The following CENPP variants were observed in gnomAD, a reference collection of about 807,000 sequenced individuals.
CENPP encodes centromere protein P.
In CENPP, 24 loss-of-function variants were observed where a neutral mutation model predicts 35.6. The ratio of observed to expected loss-of-function variants is 0.67; its 90% CI spans 0.49 to 0.95. The LOEUF is 0.95. Ranked by LOEUF, CENPP falls within the 40% of genes least tolerant of loss-of-function variation. The probability of loss-of-function intolerance (pLI) is 0.00; values close to 1 mark genes in which losing one functional copy is unlikely to be tolerated. For synonymous variants in CENPP, 120 were observed against 125.5 expected (o/e 0.96, Z 0.29); for missense variants, 332 against 345.3 (o/e 0.96, Z 0.31).
intron 5 of CENPP, among the ~76,000 whole-genome samples, chr9:92,439,159 C>G (rs1053258411): frequency 6.6e-6 from 1 of 151,940 alleles, no homozygotes; most frequent in East Asian, 1.9e-4. Flanking sequence ...TTTATTAGAT[C>G]GTGTGTTATT....
intron 5 of CENPP, among the ~76,000 whole-genome samples, chr9:92,399,855 T>C (rs1274904518): frequency 1.3e-5 from 2 of 152,166 alleles, no homozygotes; most frequent in Non-Finnish European, 2.9e-5. Flanking sequence ...ATTTCATTGA[T>C]CTTTTTGTCT....
chr9:92,355,895 A>G (rs1391077624), intron 4 of CENPP, among the ~76,000 whole-genome samples: 1 of 152,224 alleles, frequency 6.6e-6, no homozygotes, highest in African/African-American at 2.4e-5. Context: ...GGTAGAATAG[A>G]CACTTTAAAG....
chr9:92,511,885 G>A (rs1847365547), intron 5 of CENPP: 5 of 630,962 alleles, frequency 7.9e-6, no homozygotes, highest in Admixed American at 3.2e-5. Context: ...ACATCAGAGA[G>A]GAAACTTTCT....
At chr9:92,442,603 A>C (rs181748289) in intron 5 of CENPP, among the ~76,000 whole-genome samples, 2 of 152,008 alleles carry the variant, frequency 1.3e-5, no homozygotes, top group Non-Finnish European at 2.9e-5. Context: ...TAATCCTAGC[A>C]CTTTGGGAAG....
At chr9:92,395,887 A>C (rs1009532021) in intron 5 of CENPP, among the ~76,000 whole-genome samples, 1 of 149,414 alleles carries the variant, frequency 6.7e-6, no homozygotes, top group Non-Finnish European at 1.5e-5. Context: ...AATGAAGAAC[A>C]GTTGGTTCCT....
At position 92,365,523 on chromosome 9, in the gene CENPP, G is replaced by C. The variant is rs1841866343; in HGVS notation, c.468-14240G>C. 2.7e-5 allele frequency among the ~76,000 whole-genome samples: 4 copies of C among 146,698 alleles called. No individual in the cohort carries two copies. In the Admixed American group the frequency reaches 2.8e-4, roughly 10 times the overall value. ...CCTCCTGGGTTCAAGCGATTCTCCT[G>C]CCTCAGCCTCCTGAGCAGCTGGGAT... is the stretch of plus-strand genomic sequence containing the variant. On this transcript the variant is annotated intron_variant, in intron 4 of 7. Coordinates refer to ENST00000375587, the MANE Select transcript of CENPP (RefSeq NM_001012267.3).
intron 4 of CENPP, among the ~76,000 whole-genome samples, chr9:92,362,022 A>AT (rs1331503384): frequency 6.6e-6 from 1 of 151,982 alleles, no homozygotes; most frequent in Non-Finnish European, 1.5e-5. Context: ...GCAAGACTCC[A>AT]TCATAAAATA....
chr9:92,552,324 T>C lies in CENPP; in HGVS notation c.565-58990T>C, dbSNP rs575032887. 1.4e-4 allele frequency among the ~76,000 whole-genome samples: 21 copies of C among 152,198 alleles called. 1 individual carries two copies. The South Asian group carries it at 4.4e-3, about 32-fold the overall frequency. ...AAACATGCATGTCTAAGTATCTTTTTCGAATAATGATTTATTTTCCTCTGG... is the reference window on the plus strand; with the variant it reads ...AAACATGCATGTCTAAGTATCTTTTCCGAATAATGATTTATTTTCCTCTGG... On this transcript the variant is annotated intron_variant, in intron 5 of 7. Transcript: ENST00000375587.
At chr9:92,405,565 TTG>T (rs1181730831) in intron 5 of CENPP, among the ~76,000 whole-genome samples, 1 of 152,178 alleles carries the variant, frequency 6.6e-6, no homozygotes. Context: ...TTGATATAAA[TTG>T]TTGGTTTTAT....
chr9:92,616,337 C>A lies in CENPP; in HGVS notation c.*3188C>A. ...CAAAGCTTCCTCAGGCCAGTGCACCCCACCATACCAGGCGAGAGAGGGTTA... is the reference window on the plus strand; with the variant it reads ...CAAAGCTTCCTCAGGCCAGTGCACCACACCATACCAGGCGAGAGAGGGTTA... On this transcript the variant is annotated 3_prime_UTR_variant, in exon 8 of 8. Transcript: ENST00000375587. 2.8e-6 allele frequency: 1 copy of A among 360,574 alleles called. No individual in the cohort carries two copies. Among genetic ancestry groups the A allele is most frequent in the Non-Finnish European group, 5.1e-6 (1 of 195,252 alleles). 22.3% of individuals were successfully genotyped at this position (360,574 alleles called of 1,614,324 possible).
intron 5 of CENPP, among the ~76,000 whole-genome samples, chr9:92,574,036 C>T (rs1029961028): frequency 2.0e-5 from 3 of 152,158 alleles, no homozygotes; most frequent in Non-Finnish European, 2.9e-5. Flanking sequence ...TCCTTGACCC[C>T]TTGCACTTAC....
At chr9:92,336,471 T>G (rs1840934059) in intron 2 of CENPP, among the ~76,000 whole-genome samples, 1 of 152,214 alleles carries the variant, frequency 6.6e-6, no homozygotes. Flanking sequence ...GTTTCAGTTT[T>G]CCTGGCTCTA....
chr9:92,332,180 CA>C lies in CENPP; in HGVS notation c.120del (p.Ala41ProfsTer16), dbSNP rs778703486. The C allele has an allele frequency of 6.3e-7, 1 of 1,579,370 alleles. No homozygotes were observed. Among genetic ancestry groups the C allele is most frequent in the Non-Finnish European group, 8.6e-7 (1 of 1,166,812 alleles). On this transcript the variant is annotated frameshift_variant, in exon 2 of 8. Transcript: ENST00000375587. LOFTEE classifies it high-confidence loss of function. ...ATATTTGCCTTTTAGAAAATCTTTT[CA>C]AGCCATACACCAATTCAATTTGGAA... is the stretch of plus-strand genomic sequence containing the variant. ...EEKSRVQKSF[Q>X]AIHQFNLEGW...
intron 5 of CENPP, among the ~76,000 whole-genome samples, chr9:92,507,896 C>T (rs1486819117): frequency 6.6e-6 from 1 of 152,172 alleles, no homozygotes; most frequent in East Asian, 1.9e-4. Context: ...GTGTGCAGCC[C>T]CTTGTGCTGC....
chr9:92,357,754 G>C (rs1388338963), intron 4 of CENPP, among the ~76,000 whole-genome samples: 1 of 151,990 alleles, frequency 6.6e-6, no homozygotes, highest in African/African-American at 2.4e-5. Flanking sequence ...CTTGGCCTCT[G>C]AAAGTAGTGG....
rs1290167299 is a variant in CENPP, at chr9:92,604,947, CTA to C, written c.565-6365_565-6364del. Among the ~76,000 whole-genome samples the C allele has an allele frequency of 2.3e-4, 35 of 152,086 alleles. No homozygotes were observed. In the East Asian group the frequency reaches 6.2e-3, roughly 27 times the overall value. On this transcript the variant is annotated intron_variant, in intron 5 of 7. Coordinates refer to ENST00000375587, the MANE Select transcript of CENPP (RefSeq NM_001012267.3). ...AACCCAGAATTACACAGATTTACTCCTATGTTTTCTCTCAGAAGTTTTACAGT... is the reference window on the plus strand; with the variant it reads ...AACCCAGAATTACACAGATTTACTCCTGTTTTCTCTCAGAAGTTTTACAGT...
chr9:92,500,608 A>T (rs958260878), intron 5 of CENPP: 14 of 1,003,596 alleles, frequency 1.4e-5, no homozygotes, highest in Non-Finnish European at 2.0e-5. Flanking sequence ...GTTTAATCCA[A>T]CCCCTTAGCA....
intron 5 of CENPP, among the ~76,000 whole-genome samples, chr9:92,498,933 A>G (rs1210053418): frequency 6.6e-6 from 1 of 152,192 alleles, no homozygotes; most frequent in Non-Finnish European, 1.5e-5. Context: ...CAAAATACGG[A>G]ATTTCCTGGC....
At chr9:92,575,825 A>G (rs1350649563) in intron 5 of CENPP, among the ~76,000 whole-genome samples, 1 of 152,150 alleles carries the variant, frequency 6.6e-6, no homozygotes, top group Non-Finnish European at 1.5e-5. Context: ...AAAAAAAAGA[A>G]TGTCTCCTAT....
Sources: allele counts gnomAD v4.1 joint callset (sites outside exome capture counted in the v4.1 genomes callset), GRCh38; gene constraint gnomAD v4.1.1; transcripts MANE v1.5; gene names NCBI Gene and HGNC (gene_info 2026-07-23, HGNC 2026-07-21).